The following DHX34 variants were observed in gnomAD, a reference collection of about 807,000 sequenced individuals.
DHX34 encodes probable ATP-dependent RNA helicase DHX34.
Under a neutral mutation model 111.1 loss-of-function variants are expected in DHX34, and 96 were observed. That is an observed-to-expected ratio of 0.86 (90% CI 0.73 to 1.02). DHX34 has a LOEUF of 1.02. Ranked by LOEUF, DHX34 falls within the 50% of genes least tolerant of loss-of-function variation. The pLI is 0.00. For synonymous variants in DHX34, 688 were observed against 670.4 expected (o/e 1.03, Z -0.41); for missense variants, 1,560 against 1,579.9 (o/e 0.99, Z 0.21).
chr19:47,380,117 G>T, intron 14 of DHX34, 132 bp downstream of exon 14: 4 of 1,404,254 alleles, frequency 2.8e-6, no homozygotes, highest in Non-Finnish European at 3.8e-6. Context: ...GGCCACAGAG[G>T]TTCAGTCACT....
At chr19:47,370,161 C>CAA (rs1969921364) in intron 7 of DHX34, among the ~76,000 whole-genome samples, 1 of 152,182 alleles carries the variant, frequency 6.6e-6, no homozygotes, top group Non-Finnish European at 1.5e-5. Context: ...GAATGTGACG[C>CAA]AAAGTGCCCT....
intron 16 of DHX34, chr19:47,381,658 A>T: frequency 1.7e-6 from 1 of 602,838 alleles, no homozygotes; most frequent in South Asian, 2.3e-5. Flanking sequence ...CCCTGTTGTC[A>T]CCCAGGGATG....
intron 7 of DHX34, among the ~76,000 whole-genome samples, chr19:47,368,716 GT>G (rs71180828): frequency 6.9e-6 from 1 of 145,664 alleles, no homozygotes; most frequent in Admixed American, 6.9e-5. Context: ...ATATATATAT[GT>G]TTTTTTTTCT....
chr19:47,352,411 C>A (rs1415344086), intron 1 of DHX34, among the ~76,000 whole-genome samples: 1 of 152,178 alleles, frequency 6.6e-6, no homozygotes, highest in Non-Finnish European at 1.5e-5. Flanking sequence ...CATGGTGGCT[C>A]ACACTGGTAA....
In DHX34 at chr19:47,375,921, C is replaced by G. The variant is rs373105659; in HGVS notation, c.2308-3C>G. 6.2e-7 allele frequency: 1 copy of G among 1,601,110 alleles called. No individual in the cohort carries two copies. The highest frequency in any genetic ancestry group is 2.2e-5 in the East Asian group (1 of 44,540). ...AGACTCTGCCTCCCCGTGCTCCCCC[C>G]AGGATGTGAAGTTCAAGCTTCGGCA... On this transcript the variant is annotated splice_region_variant and splice_polypyrimidine_tract_variant and intron_variant, in intron 10 of 16. Transcript: ENST00000328771.
intron 4 of DHX34, 48 bp downstream of exon 4, chr19:47,358,168 A>G (rs1435527625): frequency 6.3e-7 from 1 of 1,578,314 alleles, no homozygotes; most frequent in African/African-American, 1.3e-5. Context: ...TGCATGAGTC[A>G]GGGGTGGCTG....
intron 13 of DHX34, among the ~76,000 whole-genome samples, chr19:47,379,283 C>T (rs1970272840): frequency 6.6e-6 from 1 of 152,178 alleles, no homozygotes; most frequent in South Asian, 2.1e-4. Context: ...TTTCCTCTGC[C>T]CTGGCCCCAG....
At chr19:47,363,035 C>A (rs1240540027) in intron 6 of DHX34, among the ~76,000 whole-genome samples, 4 of 152,234 alleles carry the variant, frequency 2.6e-5, no homozygotes, top group Admixed American at 2.6e-4. Context: ...ACTGAAACCT[C>A]CGCCTCCCAG....
At chr19:47,374,366 G>A (rs1304918940) in intron 9 of DHX34, among the ~76,000 whole-genome samples, 2 of 151,414 alleles carry the variant, frequency 1.3e-5, no homozygotes, top group African/African-American at 4.9e-5. Flanking sequence ...GAACCCAGGA[G>A]GTGGAGGTTG....
intron 6 of DHX34, among the ~76,000 whole-genome samples, chr19:47,363,525 T>C (rs897923338): frequency 4.0e-5 from 6 of 151,848 alleles, no homozygotes; most frequent in African/African-American, 1.2e-4. Context: ...GTTCCTTAAA[T>C]CCATAGGGTC....
chr19:47,369,849 C>T (rs1012290110), intron 7 of DHX34, among the ~76,000 whole-genome samples: 1 of 152,058 alleles, frequency 6.6e-6, no homozygotes, highest in Non-Finnish European at 1.5e-5. Context: ...GTTGACCTGG[C>T]GGTTCTGTGA....
intron 7 of DHX34, among the ~76,000 whole-genome samples, chr19:47,369,043 A>G (rs1227953044): frequency 6.6e-6 from 1 of 151,980 alleles, no homozygotes; most frequent in Non-Finnish European, 1.5e-5. Flanking sequence ...ACGCCTGGCT[A>G]ATTTTTGTAT....
intron 7 of DHX34, among the ~76,000 whole-genome samples, chr19:47,370,507 A>G (rs947176447): frequency 1.3e-5 from 2 of 151,920 alleles, no homozygotes; most frequent in Non-Finnish European, 2.9e-5. Flanking sequence ...AAGACTTTCT[A>G]TTTCCAGCAG....
chr19:47,382,281 A>C lies in DHX34; in HGVS notation c.*168A>C. The C allele has an allele frequency of 7.9e-7, 1 of 1,259,360 alleles. No homozygotes were observed. The allele number at this position is 1,259,360 out of a possible 1,614,324, so 78.0% of individuals were successfully genotyped here. A position where few individuals can be genotyped will look rare whatever the true frequency, so the allele number is the denominator to read the frequency against. On this transcript the variant is annotated 3_prime_UTR_variant, in exon 17 of 17. Coordinates refer to ENST00000328771, the MANE Select transcript of DHX34 (RefSeq NM_014681.6). ...TGAATAAAGCCTCACATGCTGATACACACTGTTAGGCCTGCACCTGCCCAT... is the reference window on the plus strand; with the variant it reads ...TGAATAAAGCCTCACATGCTGATACCCACTGTTAGGCCTGCACCTGCCCAT...
chr19:47,377,562 T>G (rs1970209202), intron 13 of DHX34, among the ~76,000 whole-genome samples: 1 of 122,812 alleles, frequency 8.1e-6, no homozygotes, highest in Non-Finnish European at 1.6e-5. Flanking sequence ...CAGGGTGTGG[T>G]ACAAGATAAG....
intron 13 of DHX34, among the ~76,000 whole-genome samples, chr19:47,378,042 G>C (rs2122362980): frequency 6.6e-6 from 1 of 152,280 alleles, no homozygotes. Flanking sequence ...CGTCACCTAA[G>C]TCACACACCG....
chr19:47,373,569 T>C (rs766797230), intron 8 of DHX34, 30 bp from the exon 9 acceptor site: 1 of 1,606,496 alleles, frequency 6.2e-7, no homozygotes, highest in South Asian at 1.1e-5. Flanking sequence ...GGCCAGGCCC[T>C]GACACCCTGG....
intron 3 of DHX34, among the ~76,000 whole-genome samples, chr19:47,356,650 AGAAAG>A (rs1008913508): frequency 6.6e-6 from 1 of 151,404 alleles, no homozygotes; most frequent in African/African-American, 2.4e-5. Flanking sequence ...AAGAAAGAAA[AGAAAG>A]AGAGAGAGAG....
At chr19:47,376,679 G>C in intron 12 of DHX34, 119 bp downstream of exon 12, 2 of 1,465,548 alleles carry the variant, frequency 1.4e-6, no homozygotes, top group South Asian at 1.4e-5. Context: ...ATTGACGGGG[G>C]CCCACAGGAG....
Sources: allele counts gnomAD v4.1 joint callset (sites outside exome capture counted in the v4.1 genomes callset), GRCh38; gene constraint gnomAD v4.1.1; transcripts MANE v1.5; gene names NCBI Gene and HGNC (gene_info 2026-07-23, HGNC 2026-07-21).